Variants in SLC35F1 observed in about 807,000 individuals in gnomAD.
The protein encoded by SLC35F1 is chromosome 6 open reading frame 169.
A neutral mutation model predicts 48.7 loss-of-function variants in SLC35F1; 14 were observed. The ratio of observed to expected loss-of-function variants is 0.29; its 90% CI spans 0.19 to 0.45. The LOEUF is 0.45. SLC35F1 is among the 20% of genes least tolerant of loss of function. The pLI, the probability that SLC35F1 is intolerant of heterozygous loss-of-function variation, is 1.00. For missense variants in SLC35F1, 404 were observed against 500.0 expected, an observed-to-expected ratio of 0.81 and a Z score of 1.83; for synonymous variants, 190 against 202.2, an observed-to-expected ratio of 0.94 and a Z score of 0.51.
intron 1 of SLC35F1, among the ~76,000 whole-genome samples, chr6:117,957,692 T>A (rs1178555666): frequency 6.6e-6 from 1 of 152,198 alleles, no homozygotes; most frequent in Admixed American, 6.6e-5. Context: ...AAAATTTCTA[T>A]CGCCTAATGA....
chr6:118,254,493 G>C (rs1451237018), intron 3 of SLC35F1, among the ~76,000 whole-genome samples: 1 of 152,004 alleles, frequency 6.6e-6, no homozygotes. Context: ...TGTTGCCCAG[G>C]CTGGTCTTGA....
rs138540704 is a variant in SLC35F1, at chr6:117,964,823, G to C, written c.173+56924G>C. On this transcript the variant is annotated intron_variant, in intron 1 of 7. Transcript: ENST00000360388. ...CACTGAGACAACAAGTATTGCCAGGGAAGAAGGCTTTAATCCAGTGCTGCA... is the reference window on the plus strand; with the variant it reads ...CACTGAGACAACAAGTATTGCCAGGCAAGAAGGCTTTAATCCAGTGCTGCA... Among the ~76,000 whole-genome samples the C allele has an allele frequency of 4.4e-3, 669 of 152,338 alleles. 3 individuals are homozygous for C. Among genetic ancestry groups the C allele is most frequent in the Admixed American group, 9.3e-3 (142 of 15,312 alleles).
intron 2 of SLC35F1, among the ~76,000 whole-genome samples, chr6:118,215,234 G>C (rs1253498227): frequency 1.3e-5 from 2 of 152,114 alleles, no homozygotes; most frequent in Admixed American, 6.6e-5. Flanking sequence ...TATTTGGCCA[G>C]ACCGCAAGGT....
chr6:117,982,309 G>T (rs1278446913), intron 1 of SLC35F1, among the ~76,000 whole-genome samples: 1 of 152,074 alleles, frequency 6.6e-6, no homozygotes. Flanking sequence ...AAATATTTTT[G>T]AAAATTACTG....
intron 1 of SLC35F1, among the ~76,000 whole-genome samples, chr6:117,971,094 C>T (rs1776631605): frequency 6.6e-6 from 1 of 152,148 alleles, no homozygotes; most frequent in Non-Finnish European, 1.5e-5. Flanking sequence ...AAATCAAAAG[C>T]AAGTTAGTTA....
intron 3 of SLC35F1, among the ~76,000 whole-genome samples, chr6:118,265,021 C>T (rs547632008): frequency 3.9e-5 from 6 of 152,370 alleles, no homozygotes; most frequent in Admixed American, 2.6e-4. Flanking sequence ...CACAGTGCTA[C>T]TTAGCATTCA....
chr6:118,148,854 A>G (rs1284044235), intron 1 of SLC35F1, among the ~76,000 whole-genome samples: 1 of 152,172 alleles, frequency 6.6e-6, no homozygotes, highest in African/African-American at 2.4e-5. Flanking sequence ...TAGCTTATTA[A>G]TCTCAATGTC....
chr6:118,307,642 T>C (rs1372366267), intron 7 of SLC35F1, among the ~76,000 whole-genome samples: 1 of 152,178 alleles, frequency 6.6e-6, no homozygotes, highest in Non-Finnish European at 1.5e-5. Flanking sequence ...ATAAAAATGA[T>C]CTTGTTGGTC....
chr6:118,032,001 C>T (rs1180273105), intron 1 of SLC35F1, among the ~76,000 whole-genome samples: 1 of 152,112 alleles, frequency 6.6e-6, no homozygotes, highest in Non-Finnish European at 1.5e-5. Context: ...TGAGTCCTGC[C>T]TCCTCCCTCA....
intron 1 of SLC35F1, among the ~76,000 whole-genome samples, chr6:118,114,032 GC>G (rs1330403718): frequency 5.9e-5 from 9 of 152,120 alleles, no homozygotes; most frequent in Non-Finnish European, 1.2e-4. Flanking sequence ...ACTACCTCTA[GC>G]TAACTCAAAT....
chr6:117,938,949 C>G (rs1298433992), intron 1 of SLC35F1, among the ~76,000 whole-genome samples: 1 of 150,872 alleles, frequency 6.6e-6, no homozygotes, highest in African/African-American at 2.4e-5. Context: ...AATCCAGTGT[C>G]CATTCCTTTT....
chr6:118,088,673 G>T (rs1773027412), intron 1 of SLC35F1, among the ~76,000 whole-genome samples: 1 of 152,172 alleles, frequency 6.6e-6, no homozygotes, highest in Non-Finnish European at 1.5e-5. Context: ...GGGTGAGAAA[G>T]CAAGGCTACT....
At chr6:118,148,971 C>T (rs1582694841) in intron 1 of SLC35F1, among the ~76,000 whole-genome samples, 2 of 152,144 alleles carry the variant, frequency 1.3e-5, no homozygotes, top group East Asian at 3.9e-4. Context: ...AAGACTTTGC[C>T]ATTTTCATTT....
intron 1 of SLC35F1, among the ~76,000 whole-genome samples, chr6:118,078,425 A>T (rs942600077): frequency 6.6e-6 from 1 of 152,222 alleles, no homozygotes; most frequent in African/African-American, 2.4e-5. Flanking sequence ...GAAATGATGA[A>T]GGGGAAAAAA....
chr6:118,035,971 C>T lies in SLC35F1; in HGVS notation c.174-118474C>T, dbSNP rs141073151. On this transcript the variant is annotated intron_variant, in intron 1 of 7. Transcript: ENST00000360388. ...CCTCCCAAAGTGCTGGAATTACAGG[C>T]GTGAGCCACCGCACCCAGACAAGGC... 4.2e-3 allele frequency among the ~76,000 whole-genome samples: 640 copies of T among 152,138 alleles called. 3 individuals carry two copies. Among genetic ancestry groups the T allele is most frequent in the African/African-American group, 0.015 (608 of 41,528 alleles).
chr6:118,106,403 G>A (rs1773328148), intron 1 of SLC35F1, among the ~76,000 whole-genome samples: 1 of 152,034 alleles, frequency 6.6e-6, no homozygotes, highest in Non-Finnish European at 1.5e-5. Flanking sequence ...TATTCACCCA[G>A]TTGATTATGA....
At chr6:117,911,359 C>T (rs1043245524) in intron 1 of SLC35F1, among the ~76,000 whole-genome samples, 2 of 151,302 alleles carry the variant, frequency 1.3e-5, no homozygotes, top group Admixed American at 1.3e-4. Context: ...GGAAAAAATA[C>T]GGCAAAGTCT....
chr6:117,966,327 C>A (rs560896235), intron 1 of SLC35F1, among the ~76,000 whole-genome samples: 1 of 152,224 alleles, frequency 6.6e-6, no homozygotes, highest in Admixed American at 6.5e-5. Flanking sequence ...TCAGCGAGAC[C>A]ACGAACCCAC....
chr6:118,157,225 A>G (rs188084534), intron 2 of SLC35F1, among the ~76,000 whole-genome samples: 5 of 151,202 alleles, frequency 3.3e-5, no homozygotes, highest in African/African-American at 1.2e-4. Context: ...TTCAGGGCCC[A>G]CCCTGCCACT....
Sources: gnomAD v4.1 joint callset for allele counts (sites outside exome capture counted in the v4.1 genomes callset) on GRCh38, gnomAD v4.1.1 for gene constraint, MANE v1.5 for transcripts, NCBI Gene and HGNC (gene_info 2026-07-23, HGNC 2026-07-21) for gene names.